Variants in CRY2 observed in about 807,000 individuals in gnomAD.
CRY2 encodes cryptochrome circadian regulator 2.
CRY2 carries 31 observed loss-of-function variants against 69.5 expected under a neutral mutation model. That is an observed-to-expected ratio of 0.45 (90% CI 0.34 to 0.60). CRY2 has a LOEUF of 0.60. CRY2 is among the 20% of genes least tolerant of loss of function. CRY2 has a pLI of 0.02. For missense variants in CRY2, 606 were observed against 797.8 expected (o/e 0.76, Z 2.90); for synonymous variants, 303 against 312.2 (o/e 0.97, Z 0.31).
chr11:45,859,984 A>G (rs2086274136), intron 3 of CRY2, among the ~76,000 whole-genome samples: 1 of 152,050 alleles, frequency 6.6e-6, no homozygotes, highest in Admixed American at 6.5e-5. Context: ...AGCCGACCAT[A>G]TATCTCCACT....
At position 45,881,751 on chromosome 11, in the gene CRY2, T is replaced by G. The variant is rs957559058; in HGVS notation, c.*840T>G. On this transcript the variant is annotated 3_prime_UTR_variant, in exon 12 of 12. Coordinates refer to ENST00000616080, the MANE Select transcript of CRY2 (RefSeq NM_021117.5). ...AGCCTCAGAGCCTACCCAGGAGCTG[T>G]GAAGGGGCAAGGGTCAAACTGACTC... 5 of 152,196 alleles carry G rather than the reference T, an allele frequency of 3.3e-5. No homozygotes were observed. The highest frequency in any genetic ancestry group is 7.3e-5 in the Non-Finnish European group (5 of 68,054). The allele number at this position is 152,196 out of a possible 1,614,324, so 9.4% of individuals were successfully genotyped here.
chr11:45,849,477 A>AC (rs2086177509), intron 1 of CRY2, among the ~76,000 whole-genome samples: 2 of 152,206 alleles, frequency 1.3e-5, no homozygotes, highest in African/African-American at 2.4e-5. Context: ...TTACCAACAA[A>AC]CAACCATAAT....
At chr11:45,860,140 G>C (rs777497291) in intron 3 of CRY2, among the ~76,000 whole-genome samples, 1 of 152,006 alleles carries the variant, frequency 6.6e-6, no homozygotes, top group African/African-American at 2.4e-5. Context: ...TCTCTTCTTC[G>C]CCCTCTGATA....
At chr11:45,870,255 T>C (rs1440617743) in intron 8 of CRY2, 51 bp downstream of exon 8, 2 of 1,611,314 alleles carry the variant, frequency 1.2e-6, no homozygotes, top group Non-Finnish European at 1.7e-6. Context: ...GGCCTCCTAC[T>C]AGGATGGGAT....
intron 5 of CRY2, 51 bp from the exon 6 acceptor site, chr11:45,867,561 C>A (rs562036662): frequency 6.2e-7 from 1 of 1,602,268 alleles, no homozygotes; most frequent in South Asian, 1.1e-5. Flanking sequence ...TCCATTTTTT[C>A]CTCTGTTACA....
In CRY2 at chr11:45,882,779, A is replaced by G; in HGVS notation, c.*1868A>G. 2.5e-6 allele frequency: 1 copy of G among 398,690 alleles called. No homozygotes were observed. 24.7% of individuals were successfully genotyped at this position (398,690 alleles called of 1,614,324 possible). A position where few individuals can be genotyped will look rare whatever the true frequency, so the allele number is the denominator to read the frequency against. On this transcript the variant is annotated 3_prime_UTR_variant, in exon 12 of 12. Transcript: ENST00000616080. ...GGCAAATCTGAGAGTGGGAAGGCCA[A>G]AGGCCGAGGCCCAGATTTAGTATTC... is the stretch of plus-strand genomic sequence containing the variant.
In CRY2 at chr11:45,860,856, A is replaced by T. The variant is rs143261273; in HGVS notation, c.476A>T (p.Glu159Val). 11 of 1,613,918 alleles carry T rather than the reference A, an allele frequency of 6.8e-6. No individual in the cohort carries two copies. The highest frequency in any genetic ancestry group is 9.3e-6 in the Non-Finnish European group (11 of 1,179,994). ...HTLYDLDRII[E>V]LNGQKPPLTY... ...TGCTTTGGGCTCCCCAGGATCATTG[A>T]GCTGAATGGGCAGAAGCCACCCCTT... The change falls in exon 4 of 12, where the codon GAG (glutamate) becomes GTG (valine). Residue 159 changes from glutamate to valine, a missense_variant. Coordinates refer to ENST00000616080, the MANE Select transcript of CRY2 (RefSeq NM_021117.5).
At position 45,861,990 on chromosome 11, in the gene CRY2, CAG is replaced by C. The variant is rs539035038; in HGVS notation, c.653-68_653-67del. 394 of 1,312,398 alleles carry C rather than the reference CAG, an allele frequency of 3.0e-4. 3 individuals are homozygous for C. In the African/African-American group the frequency reaches 5.4e-3, roughly 18 times the overall value. 81.3% of individuals were successfully genotyped at this position (1,312,398 alleles called of 1,614,324 possible). ...TTCAATTCTCATAAAGTTCAAATAA[CAG>C]AACAGCCGTGCCGGGCTATCACTGA... is the stretch of plus-strand genomic sequence containing the variant. On this transcript the variant is annotated intron_variant, in intron 4 of 11. Transcript: ENST00000616080.
intron 11 of CRY2, among the ~76,000 whole-genome samples, chr11:45,877,781 C>T (rs942393100): frequency 9.9e-5 from 15 of 152,144 alleles, no homozygotes; most frequent in Admixed American, 2.0e-4. Flanking sequence ...TTTCTACAGA[C>T]GCATGCCCTA....
At chr11:45,859,087 G>A (rs940438256) in intron 3 of CRY2, among the ~76,000 whole-genome samples, 3 of 152,094 alleles carry the variant, frequency 2.0e-5, no homozygotes, top group African/African-American at 7.2e-5. Context: ...AGGCTTGTTA[G>A]GCCCAAAGCA....
intron 2 of CRY2, among the ~76,000 whole-genome samples, chr11:45,856,815 T>C (rs933950126): frequency 6.8e-6 from 1 of 147,674 alleles, no homozygotes; most frequent in African/African-American, 2.5e-5. Flanking sequence ...AAAAAAAAGG[T>C]CAGCCTTTCT....
Position 45,847,629 on chromosome 11 carries a change from G to A in CRY2, c.139G>A (p.Ala47Thr). 3 of 1,602,448 alleles carry A rather than the reference G, an allele frequency of 1.9e-6. No homozygotes were observed. The highest frequency in any genetic ancestry group is 1.3e-5 in the African/African-American group (1 of 74,910). ...GGCGTTGCTGGCGGCCGTGCGCGGGGCGCGCTGCGTGCGCTGCGTTTACAT... is the reference window on the plus strand; with the variant it reads ...GGCGTTGCTGGCGGCCGTGCGCGGGACGCGCTGCGTGCGCTGCGTTTACAT... The part of the protein sequence containing the change: ...NPALLAAVRG[A>T]RCVRCVYILD... The change falls in exon 1 of 12, where the codon GCG (alanine) becomes ACG (threonine). Residue 47 changes from alanine (A) to threonine (T), a missense_variant. Ala to Thr is a moderately conservative substitution (Grantham distance 58). Transcript: ENST00000616080.
chr11:45,871,239 A>C (rs1453068540), intron 10 of CRY2, among the ~76,000 whole-genome samples: 1 of 152,222 alleles, frequency 6.6e-6, no homozygotes, highest in East Asian at 1.9e-4. Flanking sequence ...CAGCCCTGCC[A>C]CACACTGAGA....
At position 45,867,455 on chromosome 11, in the gene CRY2, G is replaced by A. The variant is rs1199248393; in HGVS notation, c.742-157G>A. On this transcript the variant is annotated intron_variant, in intron 5 of 11. Coordinates refer to ENST00000616080, the MANE Select transcript of CRY2 (RefSeq NM_021117.5). ...AGACTCGTTGTTTGGTCTGATGGTG[G>A]TTCCGTCTCAAAATCGGCTGGACAA... 2.0e-5 allele frequency: 17 copies of A among 841,216 alleles called. No individual in the cohort carries two copies. In the East Asian group the frequency reaches 3.4e-4, roughly 17 times the overall value. 52.1% of individuals were successfully genotyped at this position (841,216 alleles called of 1,614,324 possible). A position where few individuals can be genotyped will look rare whatever the true frequency, so the allele number is the denominator to read the frequency against.
intron 5 of CRY2, among the ~76,000 whole-genome samples, chr11:45,864,543 C>T (rs1283543566): frequency 1.3e-5 from 2 of 151,852 alleles, no homozygotes; most frequent in South Asian, 2.1e-4. Flanking sequence ...TCACTTAAGC[C>T]CAGGAAGTCA....
chr11:45,879,876 T>C (rs940836112), intron 11 of CRY2, among the ~76,000 whole-genome samples: 10 of 152,252 alleles, frequency 6.6e-5, no homozygotes, highest in Non-Finnish European at 1.3e-4. Context: ...TCTCTGTGGC[T>C]TATAAACAGC....
intron 5 of CRY2, 50 bp from the exon 6 acceptor site, chr11:45,867,562 C>CT: frequency 6.2e-7 from 1 of 1,602,958 alleles, no homozygotes; most frequent in South Asian, 1.1e-5. Flanking sequence ...CCATTTTTTC[C>CT]TCTGTTACAT....
intron 1 of CRY2, among the ~76,000 whole-genome samples, chr11:45,855,539 C>A (rs1025605111): frequency 1.3e-5 from 2 of 152,136 alleles, no homozygotes; most frequent in Admixed American, 6.5e-5. Context: ...TATATCTAGC[C>A]CCAGAGACTG....
chr11:45,867,575 A>T (rs764894674), intron 5 of CRY2, 37 bp from the exon 6 acceptor site: 2 of 1,613,430 alleles, frequency 1.2e-6, no homozygotes, highest in Admixed American at 3.3e-5. Context: ...TGTTACATCC[A>T]AGCCTTTCCT....
Sources: allele counts gnomAD v4.1 joint callset (sites outside exome capture counted in the v4.1 genomes callset), GRCh38; gene constraint gnomAD v4.1.1; transcripts MANE v1.5; gene names NCBI Gene and HGNC (gene_info 2026-07-23, HGNC 2026-07-21).